Variants in TMIE observed in about 807,000 individuals in gnomAD.
TMIE encodes the protein transmembrane inner ear expressed protein.
Under a neutral mutation model 16.8 loss-of-function variants are expected in TMIE, and 14 were observed. That is an observed-to-expected ratio of 0.83 (90% CI 0.55 to 1.30). The LOEUF (loss-of-function observed/expected upper bound fraction) is 1.30, where lower values mean the gene tolerates loss of function less well. TMIE is among the 50% of genes most tolerant of loss of function. TMIE has a pLI of 0.00. For missense variants in TMIE, 204 were observed against 205.9 expected (o/e 0.99, Z 0.06); for synonymous variants, 75 against 87.2 (o/e 0.86, Z 0.78).
In TMIE at chr3:46,709,845, A is replaced by G. The variant is rs1700599136; in HGVS notation, c.*157A>G. ...CACATCCTCATGGCCCATCAGGGGC[A>G]GGAACCAGACAATCTCGTAGGTGTC... is the stretch of plus-strand genomic sequence containing the variant. On this transcript the variant is annotated 3_prime_UTR_variant, in exon 4 of 4. Coordinates refer to ENST00000643606, the MANE Select transcript of TMIE (RefSeq NM_147196.3). The G allele has an allele frequency of 1.4e-6, 2 of 1,468,374 alleles. No individual in the cohort carries two copies. Among genetic ancestry groups the G allele is most frequent in the African/African-American group, 2.8e-5 (2 of 71,112 alleles). 91.0% of individuals were successfully genotyped at this position (1,468,374 alleles called of 1,614,324 possible). A position where few individuals can be genotyped will look rare whatever the true frequency, so the allele number is the denominator to read the frequency against.
intron 2 of TMIE, among the ~76,000 whole-genome samples, chr3:46,706,421 G>A (rs72899373): frequency 1.6e-3 from 249 of 152,306 alleles, no homozygotes; most frequent in African/African-American, 5.8e-3. Flanking sequence ...TGGGCTCTGG[G>A]AGCTTCTTGA....
chr3:46,698,154 A>G (rs9861462), upstream of TMIE, among the ~76,000 whole-genome samples: 120,532 of 151,944 alleles, frequency 0.79, 48,193 homozygotes, highest in African/African-American at 0.9. Context: ...GGGTTCAAGC[A>G]ATTCTCCTGC....
At chr3:46,694,202 C>T (rs1375931092), upstream of TMIE, among the ~76,000 whole-genome samples, 1 of 152,204 alleles carries the variant, frequency 6.6e-6, no homozygotes, top group Non-Finnish European at 1.5e-5. Flanking sequence ...GGCTGGGTGT[C>T]CACGGCCGGC....
chr3:46,697,174 G>T (rs905416038), upstream of TMIE, among the ~76,000 whole-genome samples: 1 of 152,198 alleles, frequency 6.6e-6, no homozygotes, highest in Non-Finnish European at 1.5e-5. Context: ...TCGGCTACTG[G>T]CTCATAGCTC....
At position 46,701,629 on chromosome 3, in the gene TMIE, G is replaced by C. The variant is rs1388855398; in HGVS notation, c.93+49G>C. 1 of 1,242,668 alleles carries C rather than the reference G, an allele frequency of 8.0e-7. No individual in the cohort carries two copies. The allele number at this position is 1,242,668 out of a possible 1,614,324, so 77.0% of individuals were successfully genotyped here. ...TGGGGAGGCTGTCACCCTCCAGGCA[G>C]GGGGCTGGGGGAGAGGGGACGCCTT... On this transcript the variant is annotated intron_variant, in intron 1 of 3. Transcript: ENST00000643606. The surrounding 1 kb of genome is among the most constrained non-coding windows in gnomAD (Gnocchi z 4.3).
upstream of TMIE, among the ~76,000 whole-genome samples, chr3:46,700,516 C>T (rs1454686160): frequency 2.0e-5 from 3 of 152,168 alleles, no homozygotes; most frequent in Non-Finnish European, 4.4e-5. Context: ...TCCTAACACT[C>T]AGCAGCAGGA....
intron 1 of TMIE, among the ~76,000 whole-genome samples, chr3:46,695,391 C>A (rs996781565): frequency 3.3e-5 from 5 of 152,160 alleles, no homozygotes; most frequent in African/African-American, 1.2e-4. Context: ...AGTGCCCCTG[C>A]TGGTGAAATA....
chr3:46,696,422 G>A (rs1014067903), upstream of TMIE, among the ~76,000 whole-genome samples: 5 of 152,182 alleles, frequency 3.3e-5, no homozygotes, highest in Admixed American at 6.5e-5. Flanking sequence ...TCAAGCACAC[G>A]CAGGTCTGAC....
At chr3:46,701,173 C>G (rs960104602), upstream of TMIE, 5 of 305,922 alleles carry the variant, frequency 1.6e-5, no homozygotes, top group African/African-American at 1.1e-4. This position sits in a 1 kb window ranked among gnomAD's most constrained non-coding sequence, Gnocchi z 4.3. Flanking sequence ...GGGAGGGGGA[C>G]CTGTTGATTA....
chr3:46,696,289 G>A (rs1378865850), intron 1 of TMIE, among the ~76,000 whole-genome samples: 4 of 152,296 alleles, frequency 2.6e-5, no homozygotes, highest in Admixed American at 1.3e-4. Flanking sequence ...GAACACACAC[G>A]TATGTGAATG....
At chr3:46,704,227 CGGACCATGTCCCTAGACACCCAGGGT>C (rs1700514800) in intron 1 of TMIE, among the ~76,000 whole-genome samples, 2 of 132,546 alleles carry the variant, frequency 1.5e-5, no homozygotes, top group African/African-American at 5.8e-5. Flanking sequence ...ACACCCAGGG[CGGACCATGTCCCTAGACACCCAGGGT>C]GGACCATGTC....
At position 46,705,822 on chromosome 3, in the gene TMIE, T is replaced by G. The variant is rs546224847; in HGVS notation, c.126T>G (p.Pro42=). ...CGGCCCCACCCAAGCCCAAGCCGCC[T>G]CCGCTGACCAAGGAGACAGTGGTGT... is the stretch of plus-strand genomic sequence containing the variant. ...PSTAPPKPKP[P]PLTKETVVFW... Residue 42 remains proline, a synonymous_variant, in exon 2 of 4, where the codon CCT becomes CCG. Coordinates refer to ENST00000643606, the MANE Select transcript of TMIE (RefSeq NM_147196.3). 6.2e-7 allele frequency: 1 copy of G among 1,614,060 alleles called. No individual in the cohort carries two copies. Among genetic ancestry groups the G allele is most frequent in the African/African-American group, 1.3e-5 (1 of 75,052 alleles).
At chr3:46,702,357 G>A (rs866073038) in intron 1 of TMIE, among the ~76,000 whole-genome samples, 7 of 152,144 alleles carry the variant, frequency 4.6e-5, no homozygotes, top group African/African-American at 1.2e-4. Flanking sequence ...CAGAAGCTGG[G>A]GGAGAGCCCT....
rs760398898 is a variant in TMIE at position 46,705,796 on chromosome 3, A to G, written c.100A>G (p.Thr34Ala). 6.2e-7 allele frequency: 1 copy of G among 1,613,868 alleles called. No homozygotes were observed. The highest frequency in any genetic ancestry group is 1.1e-5 in the South Asian group (1 of 91,082). Residue 34 changes from threonine (T) to alanine (A), a missense_variant, in exon 2 of 4, where the codon ACG (threonine) becomes GCG (alanine). Coordinates refer to ENST00000643606, the MANE Select transcript of TMIE (RefSeq NM_147196.3). ...CCTCTCTCCTGACCCACAGCCCAGC[A>G]CGGCCCCACCCAAGCCCAAGCCGCC... is the stretch of plus-strand genomic sequence containing the variant. ...GVAGQLVEPS[T>A]APPKPKPPPL...
chr3:46,700,758 G>C (rs147094651), upstream of TMIE, among the ~76,000 whole-genome samples: 1 of 152,292 alleles, frequency 6.6e-6, no homozygotes, highest in Non-Finnish European at 1.5e-5. Context: ...GTCAGAGTCA[G>C]TGTTCAGGCT....
rs1165136185 is a variant in TMIE at position 46,709,707 on chromosome 3, G to C, written c.*19G>C. ...GAAATGAAGACATCCTGGGCAGCTT[G>C]GGCTGGCGGGCCCTGGAGCTCAAGC... On this transcript the variant is annotated 3_prime_UTR_variant, in exon 4 of 4. Coordinates refer to ENST00000643606, the MANE Select transcript of TMIE (RefSeq NM_147196.3). 1 of 1,613,766 alleles carries C rather than the reference G, an allele frequency of 6.2e-7. No homozygotes were observed. The highest frequency in any genetic ancestry group is 1.1e-5 in the South Asian group (1 of 91,006).
chr3:46,702,007 T>G (rs1265118726), intron 1 of TMIE, among the ~76,000 whole-genome samples: 1 of 152,086 alleles, frequency 6.6e-6, no homozygotes, highest in African/African-American at 2.4e-5. Context: ...TTTAGGGTCT[T>G]CTGGAGGCAA....
At chr3:46,696,433 A>C (rs530185213), upstream of TMIE, among the ~76,000 whole-genome samples, 140 of 152,312 alleles carry the variant, frequency 9.2e-4, no homozygotes, top group Non-Finnish European at 1.5e-3. Context: ...CAGGTCTGAC[A>C]CAGGCCTGGC....
upstream of TMIE, chr3:46,694,519 A>C (rs1700354412): frequency 6.6e-6 from 1 of 152,302 alleles, no homozygotes; most frequent in Non-Finnish European, 1.5e-5. Flanking sequence ...GCGGCCGTGG[A>C]AGAGCAGAAA....
Sources: allele counts gnomAD v4.1 joint callset (sites outside exome capture counted in the v4.1 genomes callset), GRCh38; gene constraint gnomAD v4.1.1; non-coding constraint Gnocchi (gnomAD v3.1); transcripts MANE v1.5; gene names NCBI Gene and HGNC (gene_info 2026-07-23, HGNC 2026-07-21).